Variants in FANCD2 observed in about 807,000 individuals in gnomAD.
FANCD2 encodes the protein FA complementation group D2.
Under a neutral mutation model 192.3 loss-of-function variants are expected in FANCD2, and 131 were observed. The ratio of observed to expected loss-of-function variants is 0.68; its 90% CI spans 0.59 to 0.79. The LOEUF is 0.79. Ranked by LOEUF, FANCD2 falls within the 30% of genes least tolerant of loss-of-function variation. The pLI is 0.00. For synonymous variants in FANCD2, 524 were observed against 612.5 expected, an observed-to-expected ratio of 0.86 and a Z score of 2.13; for missense variants, 1,508 against 1,701.6, an observed-to-expected ratio of 0.89 and a Z score of 2.00.
At chr3:10,059,687 T>A (rs2087508650) in intron 18 of FANCD2, among the ~76,000 whole-genome samples, 1 of 151,862 alleles carries the variant, frequency 6.6e-6, no homozygotes, top group Non-Finnish European at 1.5e-5. Flanking sequence ...GCACCTGTAG[T>A]CCCAGCTACT....
intron 43 of FANCD2, 72 bp from the exon 44 acceptor site, chr3:10,101,101 CAGTTGTGTATCCTCT>C: frequency 1.0e-6 from 1 of 980,914 alleles, no homozygotes; most frequent in Non-Finnish European, 1.6e-6. Context: ...GATAATAGTA[CAGTTGTGTATCCTCT>C]AGGAGCTGTA....
At chr3:10,063,730 C>G (rs1575790126) in intron 20 of FANCD2, 62 bp from the exon 21 acceptor site, 1 of 1,609,026 alleles carries the variant, frequency 6.2e-7, no homozygotes, top group South Asian at 1.1e-5. Flanking sequence ...TTGAAAGGGG[C>G]GAGTGGAGTT....
chr3:10,081,014 A>G, intron 30 of FANCD2, 86 bp from the exon 31 acceptor site: 1 of 1,454,066 alleles, frequency 6.9e-7, no homozygotes, highest in Non-Finnish European at 9.6e-7. Flanking sequence ...CTGGTGACAC[A>G]GGTTTGACTT....
At chr3:10,078,413 G>A (rs1693647676) in intron 30 of FANCD2, among the ~76,000 whole-genome samples, 1 of 152,054 alleles carries the variant, frequency 6.6e-6, no homozygotes, top group African/African-American at 2.4e-5. Context: ...GGAGTGCAGT[G>A]GTGTGATCTC....
chr3:10,036,964 T>C (rs2086746439), intron 7 of FANCD2, among the ~76,000 whole-genome samples: 1 of 151,578 alleles, frequency 6.6e-6, no homozygotes, highest in Non-Finnish European at 1.5e-5. Context: ...GCATCATGAG[T>C]GCCTGGGACT....
chr3:10,052,830 A>G (rs2087258180), intron 18 of FANCD2, among the ~76,000 whole-genome samples: 1 of 149,292 alleles, frequency 6.7e-6, no homozygotes, highest in African/African-American at 2.5e-5. Flanking sequence ...ACAATGAGAT[A>G]CCATCTCACA....
intron 32 of FANCD2, among the ~76,000 whole-genome samples, chr3:10,084,770 A>T (rs1238839860): frequency 6.6e-6 from 1 of 152,218 alleles, no homozygotes; most frequent in African/African-American, 2.4e-5. Flanking sequence ...AAGATCTAGG[A>T]CGTCAGATTG....
chr3:10,099,219 GC>G, intron 43 of FANCD2: 1 of 1,354,504 alleles, frequency 7.4e-7, no homozygotes, highest in Non-Finnish European at 9.5e-7. Flanking sequence ...TTTGGTGAAA[GC>G]CAAAGCACAG....
intron 24 of FANCD2, 114 bp from the exon 25 acceptor site, chr3:10,065,750 T>G (rs2087701551): frequency 1.3e-6 from 1 of 761,232 alleles, no homozygotes; most frequent in East Asian, 2.6e-5. Context: ...GATCTTGGCC[T>G]TCAAATATGA....
intron 33 of FANCD2, among the ~76,000 whole-genome samples, chr3:10,086,410 C>G (rs1210620537): frequency 6.6e-6 from 1 of 152,082 alleles, no homozygotes; most frequent in Non-Finnish European, 1.5e-5. Flanking sequence ...TGGTCTTTCT[C>G]TCACTTCCCT....
intron 7 of FANCD2, among the ~76,000 whole-genome samples, chr3:10,036,992 G>C (rs923864943): frequency 6.6e-6 from 1 of 150,728 alleles, no homozygotes; most frequent in African/African-American, 2.5e-5. Flanking sequence ...TGCGCCACCC[G>C]GTCCAGCTAA....
At chr3:10,073,449 GAA>G in intron 28 of FANCD2, 87 bp downstream of exon 28, 1 of 1,089,958 alleles carries the variant, frequency 9.2e-7, no homozygotes, top group Non-Finnish European at 1.4e-6. Context: ...ATTTTACAAA[GAA>G]AAAAAAATTA....
Position 10,042,564 on chromosome 3 carries a change from C to A in FANCD2, c.789C>A (p.Arg263=). 1.9e-6 allele frequency: 3 copies of A among 1,613,282 alleles called. No homozygotes were observed. Among genetic ancestry groups the A allele is most frequent in the Non-Finnish European group, 2.5e-6 (3 of 1,179,336 alleles). ...TCTGTGCTTTTAATTTTTAGGTTCGCCAGTTGGTGATGGATAAGTTGTCGT... is the reference window on the plus strand; with the variant it reads ...TCTGTGCTTTTAATTTTTAGGTTCGACAGTTGGTGATGGATAAGTTGTCGT... ...RLDPNFLLKV[R]QLVMDKLSSI... Residue 263 remains arginine, a synonymous_variant, in exon 11 of 44, where the codon CGC becomes CGA. Transcript: ENST00000675286.
In FANCD2 at chr3:10,060,315, A is replaced by C. The variant is rs776396195; in HGVS notation, c.1678A>C (p.Arg560=). The C allele has an allele frequency of 5.6e-6, 9 of 1,612,420 alleles. No homozygotes were observed. The South Asian group carries it at 9.9e-5, about 18-fold the overall frequency. ...HIQDDMHLVI[R]KQLSSTVFKY... is the part of the protein sequence containing the mutation. ...GCAGGATGACATGCACTTGGTGATA[A>C]GAAAGCAGCTCTCTAGCACCGTATT... Residue 560 remains arginine, a synonymous_variant, in exon 19 of 44, where the codon AGA becomes CGA. Coordinates refer to ENST00000675286, the MANE Select transcript of FANCD2 (RefSeq NM_001018115.3).
intron 26 of FANCD2, among the ~76,000 whole-genome samples, chr3:10,069,028 G>A (rs2087796659): frequency 6.6e-6 from 1 of 152,130 alleles, no homozygotes; most frequent in Admixed American, 6.5e-5. Flanking sequence ...TTCAAATTAT[G>A]AAACTACTAA....
intron 32 of FANCD2, among the ~76,000 whole-genome samples, chr3:10,084,314 C>T (rs1011310840): frequency 1.5e-4 from 21 of 143,772 alleles, no homozygotes; most frequent in African/African-American, 5.6e-4. Flanking sequence ...TTCCCTGAGA[C>T]AGGGTCTTGC....
In FANCD2 at chr3:10,095,187, T is replaced by G. The variant is rs776010397; in HGVS notation, c.3964-13T>G. The stretch of plus-strand genomic sequence containing the variant: ...GACATTTCATAGAGCATTTATAAAC[T>G]TATTGGTTATAGGAAGATGTTCTGA... On this transcript the variant is annotated splice_polypyrimidine_tract_variant and intron_variant, in intron 40 of 43. Coordinates refer to ENST00000675286, the MANE Select transcript of FANCD2 (RefSeq NM_001018115.3). The G allele has an allele frequency of 1.2e-6, 2 of 1,607,470 alleles. No individual in the cohort carries two copies. The highest frequency in any genetic ancestry group is 1.7e-6 in the Non-Finnish European group (2 of 1,174,038).
At position 10,039,339 on chromosome 3, in the gene FANCD2, C is replaced by CA. The variant is rs1553607671; in HGVS notation, c.553dup (p.Arg185LysfsTer26). ...TTGTCAGTCAACTAAAATGGCTTGA[C>CA]AGAGTTGTGGATGGCAAGGTAGGCT... On this transcript the variant is annotated frameshift_variant, in exon 8 of 44. Coordinates refer to ENST00000675286, the MANE Select transcript of FANCD2 (RefSeq NM_001018115.3). LOFTEE classifies it high-confidence loss of function. 1 of 1,613,536 alleles carries CA rather than the reference C, an allele frequency of 6.2e-7. No homozygotes were observed. Among genetic ancestry groups the CA allele is most frequent in the African/African-American group, 1.3e-5 (1 of 75,038 alleles).
At chr3:10,096,599 A>G (rs1334127568) in intron 42 of FANCD2, 127 bp downstream of exon 42, 11 of 856,466 alleles carry the variant, frequency 1.3e-5, no homozygotes, top group Admixed American at 3.9e-5. Context: ...TAAGTCTGTG[A>G]CTGTTTAACT....
Sources: gnomAD v4.1 joint callset for allele counts (sites outside exome capture counted in the v4.1 genomes callset) on GRCh38, gnomAD v4.1.1 for gene constraint, MANE v1.5 for transcripts, NCBI Gene and HGNC (gene_info 2026-07-23, HGNC 2026-07-21) for gene names.